The following MICU2 variants were observed in gnomAD, a reference collection of about 807,000 sequenced individuals.
The protein encoded by MICU2 is calcium uptake protein 2, mitochondrial.
Under a neutral mutation model 60.4 loss-of-function variants are expected in MICU2, and 64 were observed. That is an observed-to-expected ratio of 1.06 (90% CI 0.87 to 1.31). The LOEUF is 1.31. MICU2 is among the 50% of genes most tolerant of loss of function. MICU2 has a pLI of 0.00. For synonymous variants in MICU2, 201 were observed against 175.0 expected (o/e 1.15, Z -1.17); for missense variants, 569 against 531.0 (o/e 1.07, Z -0.70).
At chr13:21,531,203 G>A in intron 4 of MICU2, 1 of 965,960 alleles carries the variant, frequency 1.0e-6, no homozygotes, top group Non-Finnish European at 1.7e-6. Flanking sequence ...AAGCATTAGA[G>A]TTATGTGAGA....
At chr13:21,502,779 G>C (rs1321539426) in intron 9 of MICU2, 147 bp downstream of exon 9, 3 of 685,818 alleles carry the variant, frequency 4.4e-6, no homozygotes, top group Non-Finnish European at 7.1e-6. Flanking sequence ...CTTTACAGGA[G>C]AAGAGCATGT....
In MICU2 at chr13:21,545,698, A is replaced by G. The variant is rs150608088; in HGVS notation, c.359-6010T>C. On this transcript the variant is annotated intron_variant, in intron 2 of 11. Coordinates refer to ENST00000382374, the MANE Select transcript of MICU2 (RefSeq NM_152726.3). ...AAAAAAAAAAAAGGGTTGATATCAT[A>G]GAAGTAGAAAGTAGGACAGAGTATA... 4.5e-3 allele frequency among the ~76,000 whole-genome samples: 686 copies of G among 152,158 alleles called. 8 individuals carry two copies. Among genetic ancestry groups the G allele is most frequent in the African/African-American group, 0.016 (652 of 41,538 alleles).
chr13:21,542,013 T>C (rs1165927272), intron 2 of MICU2, among the ~76,000 whole-genome samples: 3 of 152,078 alleles, frequency 2.0e-5, no homozygotes, highest in African/African-American at 4.8e-5. Context: ...AGCTAGTCTC[T>C]TACATAAAAT....
At chr13:21,500,417 A>ATTTTTTT (rs10608018) in intron 9 of MICU2, among the ~76,000 whole-genome samples, 3 of 124,960 alleles carry the variant, frequency 2.4e-5, no homozygotes, top group African/African-American at 9.1e-5. Flanking sequence ...ATACCTACTG[A>ATTTTTTT]TTTTTTTTTT....
chr13:21,579,856 T>C (rs73158450), intron 1 of MICU2, among the ~76,000 whole-genome samples: 2,144 of 152,330 alleles, frequency 0.014, 19 homozygotes, highest in Middle Eastern at 0.031. Context: ...TTTCTGAGGA[T>C]ACTTTTAACA....
chr13:21,590,355 C>T (rs144876618), intron 1 of MICU2, among the ~76,000 whole-genome samples: 1 of 152,118 alleles, frequency 6.6e-6, no homozygotes, highest in Non-Finnish European at 1.5e-5. Context: ...GCTCCATAAG[C>T]GAAGGAGAAA....
At chr13:21,561,359 T>C (rs1163345137) in intron 2 of MICU2, among the ~76,000 whole-genome samples, 1 of 152,202 alleles carries the variant, frequency 6.6e-6, no homozygotes, top group Non-Finnish European at 1.5e-5. Context: ...TGGTTTTCTG[T>C]CTGCTGAATC....
chr13:21,505,112 C>G (rs189736228), intron 8 of MICU2, among the ~76,000 whole-genome samples: 15 of 152,212 alleles, frequency 9.9e-5, no homozygotes, highest in Non-Finnish European at 1.6e-4. Context: ...CATTATATAT[C>G]TTAAGTCACA....
At chr13:21,579,828 A>T (rs753156468) in intron 1 of MICU2, among the ~76,000 whole-genome samples, 21 of 152,208 alleles carry the variant, frequency 1.4e-4, no homozygotes, top group Non-Finnish European at 2.8e-4. Context: ...CTGAAAAAAA[A>T]ATCTATGCTC....
chr13:21,588,895 G>C (rs1888513898), intron 1 of MICU2, among the ~76,000 whole-genome samples: 1 of 152,186 alleles, frequency 6.6e-6, no homozygotes, highest in Non-Finnish European at 1.5e-5. Context: ...CAGGATTTAA[G>C]TCAATATTTT....
At position 21,540,530 on chromosome 13, in the gene MICU2, T is replaced by C. The variant is rs1393263312; in HGVS notation, c.359-842A>G. 2.0e-5 allele frequency among the ~76,000 whole-genome samples: 3 copies of C among 152,178 alleles called. No homozygotes were observed. In the East Asian group the frequency reaches 5.8e-4, roughly 29 times the overall value. ...AGTGCTTTTAGATGTGGCTTTTCTGTAGTTTGGGTTGTTTAATTTGGACGA... is the reference window on the plus strand; with the variant it reads ...AGTGCTTTTAGATGTGGCTTTTCTGCAGTTTGGGTTGTTTAATTTGGACGA... On this transcript the variant is annotated intron_variant, in intron 2 of 11. Coordinates refer to ENST00000382374, the MANE Select transcript of MICU2 (RefSeq NM_152726.3).
intron 8 of MICU2, among the ~76,000 whole-genome samples, chr13:21,505,649 T>C (rs935775187): frequency 2.0e-5 from 3 of 152,210 alleles, no homozygotes; most frequent in African/African-American, 7.2e-5. Flanking sequence ...TGATCCGTGG[T>C]AGTATCTACT....
intron 4 of MICU2, among the ~76,000 whole-genome samples, chr13:21,523,699 G>T (rs564441957): frequency 6.6e-6 from 1 of 152,206 alleles, no homozygotes; most frequent in Non-Finnish European, 1.5e-5. Context: ...AGCTAATAAG[G>T]AGGTTGCACT....
At chr13:21,543,616 T>G (rs1887335239) in intron 2 of MICU2, among the ~76,000 whole-genome samples, 1 of 149,648 alleles carries the variant, frequency 6.7e-6, no homozygotes, top group African/African-American at 2.5e-5. Context: ...ACTGAGGAGG[T>G]GAAAACCTTC....
chr13:21,567,697 C>T (rs1888017976), intron 1 of MICU2, among the ~76,000 whole-genome samples: 2 of 152,232 alleles, frequency 1.3e-5, no homozygotes, highest in South Asian at 4.2e-4. Context: ...GAAGAGAGTG[C>T]TGAAATCTTT....
chr13:21,550,683 A>G (rs1264103164), intron 2 of MICU2, among the ~76,000 whole-genome samples: 5 of 152,238 alleles, frequency 3.3e-5, no homozygotes, highest in African/African-American at 9.6e-5. Context: ...TTCAATTATA[A>G]TAACTGCCAA....
At chr13:21,561,786 G>A (rs1887850221) in intron 2 of MICU2, among the ~76,000 whole-genome samples, 1 of 140,768 alleles carries the variant, frequency 7.1e-6, no homozygotes, top group Admixed American at 7.3e-5. Context: ...ATGTATACAT[G>A]TGCCATGCTG....
chr13:21,495,484 G>A lies in MICU2; in HGVS notation c.1043-166C>T, dbSNP rs979008165. 5.4e-5 allele frequency: 33 copies of A among 609,762 alleles called. 1 individual carries two copies. Among genetic ancestry groups the A allele is most frequent in the Non-Finnish European group, 8.1e-5 (30 of 369,154 alleles). 37.8% of individuals were successfully genotyped at this position (609,762 alleles called of 1,614,324 possible). On this transcript the variant is annotated intron_variant, in intron 10 of 11. Transcript: ENST00000382374. The stretch of plus-strand genomic sequence containing the variant: ...GAAGAAAATATTCAAACCATAAGCC[G>A]ACGAATGTCATGAGAGTCACTGCAA...
intron 2 of MICU2, among the ~76,000 whole-genome samples, chr13:21,545,452 G>A (rs990210533): frequency 1.3e-5 from 2 of 152,238 alleles, no homozygotes; most frequent in East Asian, 1.9e-4. Context: ...AGGCCGAGGC[G>A]GACAGATCAC....
Sources: gnomAD v4.1 joint callset for allele counts (sites outside exome capture counted in the v4.1 genomes callset) on GRCh38, gnomAD v4.1.1 for gene constraint, MANE v1.5 for transcripts, NCBI Gene and HGNC (gene_info 2026-07-23, HGNC 2026-07-21) for gene names.